FGF14: variants seen among roughly 807,000 people sequenced by gnomAD.
The protein encoded by FGF14 is fibroblast growth factor homologous factor 4.
In FGF14, 5 loss-of-function variants were observed where a neutral mutation model predicts 25.5. The observed-to-expected ratio is 0.20, with a 90% CI of 0.10 to 0.41. The LOEUF (loss-of-function observed/expected upper bound fraction) is 0.41. FGF14 is among the 10% of genes least tolerant of loss of function. The probability of loss-of-function intolerance (pLI) is 1.00; values close to 1 mark genes in which losing one functional copy is unlikely to be tolerated. For missense variants in FGF14, 222 were observed against 320.1 expected, an observed-to-expected ratio of 0.69 and a Z score of 2.34; for synonymous variants, 138 against 118.3, an observed-to-expected ratio of 1.17 and a Z score of -1.08.
At chr13:102,276,298 T>TACACACACACACACAC (rs57994075) in intron 1 of FGF14, among the ~76,000 whole-genome samples, 12 of 118,280 alleles carry the variant, frequency 1.0e-4, no homozygotes, top group African/African-American at 3.6e-4. Context: ...AACTTGGAAA[T>TACACACACACACACAC]ACACACACAC....
chr13:102,041,503 T>G (rs1018138976), intron 1 of FGF14, among the ~76,000 whole-genome samples: 4 of 147,760 alleles, frequency 2.7e-5, no homozygotes, highest in Non-Finnish European at 5.9e-5. Context: ...GACCTTCTTT[T>G]GATTTAATGG....
At chr13:101,756,699 C>T (rs2037684826) in intron 3 of FGF14, among the ~76,000 whole-genome samples, 1 of 152,184 alleles carries the variant, frequency 6.6e-6, no homozygotes, top group Non-Finnish European at 1.5e-5. Flanking sequence ...TGCCACTGCA[C>T]TCCAGCCTGG....
intron 1 of FGF14, among the ~76,000 whole-genome samples, chr13:102,281,067 CT>C (rs905232287): frequency 1.3e-5 from 2 of 152,220 alleles, no homozygotes; most frequent in African/African-American, 4.8e-5. Flanking sequence ...TCTTTTATTC[CT>C]TTTTTTCCCC....
intron 1 of FGF14, among the ~76,000 whole-genome samples, chr13:102,387,891 G>A (rs779895296): frequency 1.3e-5 from 2 of 152,064 alleles, no homozygotes; most frequent in African/African-American, 4.8e-5. Context: ...TACCACGCCC[G>A]GCTAATTTTT....
chr13:101,967,439 T>G (rs1372682996), intron 1 of FGF14, among the ~76,000 whole-genome samples: 1 of 152,248 alleles, frequency 6.6e-6, no homozygotes, highest in African/African-American at 2.4e-5. Context: ...TTCTGCAGTA[T>G]AAACAAAGCT....
intron 1 of FGF14, chr13:102,395,562 CTTGG>C (rs1296898046): frequency 6.6e-6 from 1 of 152,172 alleles, no homozygotes; most frequent in Non-Finnish European, 1.5e-5. Flanking sequence ...TAGCCAAATT[CTTGG>C]TTGGCGCTTT....
chr13:101,778,975 A>G (rs1006172434), intron 3 of FGF14: 1 of 152,204 alleles, frequency 6.6e-6, no homozygotes, highest in Non-Finnish European at 1.5e-5. Flanking sequence ...TCAGCACATC[A>G]GAATGCAATG....
intron 1 of FGF14, among the ~76,000 whole-genome samples, chr13:102,048,141 T>C (rs1219081278): frequency 6.6e-6 from 1 of 152,324 alleles, no homozygotes; most frequent in African/African-American, 2.4e-5. Flanking sequence ...ACTGGGTTTC[T>C]TTTGGCTGAA....
intron 1 of FGF14, among the ~76,000 whole-genome samples, chr13:102,307,553 G>C (rs1054667348): frequency 1.3e-5 from 2 of 152,202 alleles, no homozygotes; most frequent in Middle Eastern, 3.4e-3. Context: ...GAACTTTTAA[G>C]ACTAATAAGT....
rs374431526 is a variant in FGF14 at position 102,322,027 on chromosome 13, G to A, written c.208+79444C>T. ...CTAGGAAGGGTGAGATTGGAGAGAG[G>A]CACCCAAACCCTGGAACACAAGGAG... is the stretch of plus-strand genomic sequence containing the variant. On this transcript the variant is annotated intron_variant, in intron 1 of 4. Transcript: ENST00000376131. 7.9e-5 allele frequency among the ~76,000 whole-genome samples: 12 copies of A among 152,290 alleles called. No homozygotes were observed. The South Asian group carries it at 8.3e-4, about 11-fold the overall frequency.
intron 1 of FGF14, among the ~76,000 whole-genome samples, chr13:101,995,839 G>T (rs1039116879): frequency 6.6e-6 from 1 of 152,080 alleles, no homozygotes; most frequent in African/African-American, 2.4e-5. Context: ...GAGGGTAGAA[G>T]AATTGTTGTG....
In FGF14 at chr13:101,975,539, T is replaced by C. The variant is rs9585824; in HGVS notation, c.209-100243A>G. Among the ~76,000 whole-genome samples, 10 of 152,132 alleles carry C rather than the reference T, an allele frequency of 6.6e-5. No homozygotes were observed. In the East Asian group the frequency reaches 1.9e-3, roughly 29 times the overall value. On this transcript the variant is annotated intron_variant, in intron 1 of 4. Coordinates refer to the FGF14 transcript ENST00000376131. ...TGACATTGCAACTCCCTCTGTTACATGGTTTACCTGCTTAAACACAGGGCT... is the reference window on the plus strand; with the variant it reads ...TGACATTGCAACTCCCTCTGTTACACGGTTTACCTGCTTAAACACAGGGCT...
chr13:102,034,802 C>G (rs929618524), intron 1 of FGF14, among the ~76,000 whole-genome samples: 1 of 152,084 alleles, frequency 6.6e-6, no homozygotes, highest in Non-Finnish European at 1.5e-5. Context: ...AAATAAAAAG[C>G]ACTATTACCC....
At chr13:102,382,400 GA>G (rs1298967744) in intron 1 of FGF14, among the ~76,000 whole-genome samples, 1 of 152,038 alleles carries the variant, frequency 6.6e-6, no homozygotes, top group African/African-American at 2.4e-5. Context: ...AGTCATTAGA[GA>G]AATGCAAATC....
At chr13:101,902,263 A>G (rs563526078) in intron 1 of FGF14, among the ~76,000 whole-genome samples, 2 of 151,928 alleles carry the variant, frequency 1.3e-5, no homozygotes, top group Non-Finnish European at 2.9e-5. Context: ...TTTTTATTAT[A>G]TTATTATTTT....
intron 1 of FGF14, among the ~76,000 whole-genome samples, chr13:101,886,175 T>C (rs1012505880): frequency 6.6e-6 from 1 of 152,176 alleles, no homozygotes; most frequent in African/African-American, 2.4e-5. Context: ...AAAAACACTT[T>C]ATAGTAATTT....
At chr13:102,029,556 A>G (rs754073330) in intron 1 of FGF14, among the ~76,000 whole-genome samples, 8 of 152,128 alleles carry the variant, frequency 5.3e-5, no homozygotes, top group Non-Finnish European at 1.2e-4. Flanking sequence ...AAGCTACATT[A>G]AACTATAAGA....
intron 1 of FGF14, among the ~76,000 whole-genome samples, chr13:101,961,596 A>T (rs1224981443): frequency 6.6e-6 from 1 of 152,106 alleles, no homozygotes; most frequent in East Asian, 1.9e-4. Flanking sequence ...TAGTTCTCAT[A>T]ATACCCATAT....
intron 3 of FGF14, among the ~76,000 whole-genome samples, chr13:101,865,003 A>T (rs900973097): frequency 3.9e-5 from 6 of 152,140 alleles, no homozygotes; most frequent in Non-Finnish European, 8.8e-5. Context: ...TAACACAGGT[A>T]TTGGTTGTCA....
Sources: gnomAD v4.1 joint callset for allele counts (sites outside exome capture counted in the v4.1 genomes callset) on GRCh38, gnomAD v4.1.1 for gene constraint, MANE v1.5 for transcripts, NCBI Gene and HGNC (gene_info 2026-07-23, HGNC 2026-07-21) for gene names.